The following CSMD1 variants were observed in gnomAD, a reference collection of about 807,000 sequenced individuals.
CSMD1 encodes the protein CUB and sushi domain-containing protein 1.
CSMD1 carries 213 observed loss-of-function variants against 417.5 expected under a neutral mutation model. That is an observed-to-expected ratio of 0.51 (90% CI 0.46 to 0.57). The LOEUF (loss-of-function observed/expected upper bound fraction) is 0.57. Among genes scored for constraint, CSMD1 ranks in the 20% least tolerant of loss-of-function variants. The pLI, the probability that CSMD1 is intolerant of heterozygous loss-of-function variation, is 0.00. For synonymous variants in CSMD1, 2,862 were observed against 1,736.8 expected, an observed-to-expected ratio of 1.65 and a Z score of -16.11; for missense variants, 6,923 against 4,529.7, an observed-to-expected ratio of 1.53 and a Z score of -15.17.
At chr8:4,552,359 G>T (rs1054417690) in intron 2 of CSMD1, among the ~76,000 whole-genome samples, 1 of 151,558 alleles carries the variant, frequency 6.6e-6, no homozygotes, top group East Asian at 1.9e-4. Context: ...TGGCTTCTGT[G>T]AACTTTAAGG....
At chr8:3,558,430 GT>G (rs140373906) in intron 10 of CSMD1, among the ~76,000 whole-genome samples, 2 of 148,240 alleles carry the variant, frequency 1.3e-5, no homozygotes, top group Middle Eastern at 3.6e-3. Flanking sequence ...ATGGTACCCC[GT>G]GTCCACTCCT....
At chr8:3,860,908 C>T (rs1804656290) in intron 5 of CSMD1, among the ~76,000 whole-genome samples, 1 of 152,124 alleles carries the variant, frequency 6.6e-6, no homozygotes, top group African/African-American at 2.4e-5. Flanking sequence ...AATCTAGTCT[C>T]TATACTATAG....
chr8:4,196,488 T>C (rs1031713335), intron 3 of CSMD1, among the ~76,000 whole-genome samples: 1 of 152,158 alleles, frequency 6.6e-6, no homozygotes, highest in African/African-American at 2.4e-5. Context: ...GCTTTTAGAA[T>C]CCAGTTTGTT....
At chr8:4,245,188 C>A (rs1435411677) in intron 3 of CSMD1, among the ~76,000 whole-genome samples, 1 of 152,166 alleles carries the variant, frequency 6.6e-6, no homozygotes, top group Non-Finnish European at 1.5e-5. Context: ...TAGTGGCATG[C>A]TGTCAAACAA....
chr8:4,761,374 GT>G (rs1286408949), intron 1 of CSMD1, among the ~76,000 whole-genome samples: 10 of 7,020 alleles, frequency 1.4e-3, no homozygotes, highest in African/African-American at 3.4e-3. Flanking sequence ...GTTACTTGGT[GT>G]GTGTGTGTGT....
chr8:4,616,372 G>C (rs892746947), intron 2 of CSMD1, among the ~76,000 whole-genome samples: 12 of 152,324 alleles, frequency 7.9e-5, no homozygotes, highest in Non-Finnish European at 1.2e-4. Context: ...GTCACATGGA[G>C]ATGACCACAA....
chr8:3,011,240 A>C (rs1183057053), intron 52 of CSMD1, among the ~76,000 whole-genome samples: 1 of 152,150 alleles, frequency 6.6e-6, no homozygotes, highest in African/African-American at 2.4e-5. Context: ...CTGACAATGC[A>C]TTTGGAAAAT....
chr8:4,680,615 C>G (rs1268263587), intron 1 of CSMD1, among the ~76,000 whole-genome samples: 1 of 152,090 alleles, frequency 6.6e-6, no homozygotes. Flanking sequence ...GAGTCTTCCT[C>G]TGTTGCCAGG....
chr8:4,970,796 T>C (rs1252414690), intron 1 of CSMD1, among the ~76,000 whole-genome samples: 1 of 152,106 alleles, frequency 6.6e-6, no homozygotes, highest in Non-Finnish European at 1.5e-5. Context: ...AACTACAGAA[T>C]CTCAAAACCA....
At chr8:3,146,402 A>G (rs1479520704) in intron 40 of CSMD1, among the ~76,000 whole-genome samples, 1 of 152,162 alleles carries the variant, frequency 6.6e-6, no homozygotes, top group African/African-American at 2.4e-5. Context: ...TGGTTTAACT[A>G]TTAAAAACAG....
intron 2 of CSMD1, among the ~76,000 whole-genome samples, chr8:4,468,882 A>G (rs2130026363): frequency 6.6e-6 from 1 of 152,298 alleles, no homozygotes; most frequent in East Asian, 1.9e-4. Flanking sequence ...CACTGCAAGG[A>G]ATTTTAGAAT....
intron 23 of CSMD1, among the ~76,000 whole-genome samples, chr8:3,328,765 C>T (rs1485570970): frequency 6.6e-6 from 1 of 152,064 alleles, no homozygotes; most frequent in Non-Finnish European, 1.5e-5. Context: ...CTTTTGTCAT[C>T]CAATTTATAA....
At chr8:4,958,462 T>G (rs1278313907) in intron 1 of CSMD1, among the ~76,000 whole-genome samples, 1 of 152,190 alleles carries the variant, frequency 6.6e-6, no homozygotes, top group Non-Finnish European at 1.5e-5. Flanking sequence ...AACAGAAAAC[T>G]GCAATATATA....
chr8:4,212,970 T>A (rs1800411565), intron 3 of CSMD1, among the ~76,000 whole-genome samples: 2 of 152,028 alleles, frequency 1.3e-5, no homozygotes, highest in East Asian at 1.9e-4. Flanking sequence ...ACCTAACACC[T>A]AGCGTTGGCT....
At chr8:4,344,663 T>A (rs895296505) in intron 3 of CSMD1, among the ~76,000 whole-genome samples, 1 of 151,886 alleles carries the variant, frequency 6.6e-6, no homozygotes, top group African/African-American at 2.4e-5. Context: ...AAGAATTGAA[T>A]CAATAAACAC....
intron 3 of CSMD1, among the ~76,000 whole-genome samples, chr8:4,348,609 TG>T (rs1326760792): frequency 3.7e-4 from 3 of 8,098 alleles, no homozygotes; most frequent in South Asian, 3.7e-3. Context: ...GTGGGTGTGT[TG>T]GGGGTGGGGG....
intron 6 of CSMD1, among the ~76,000 whole-genome samples, chr8:3,724,738 T>C (rs2129045646): frequency 6.6e-6 from 1 of 152,310 alleles, no homozygotes; most frequent in African/African-American, 2.4e-5. Context: ...AAGTGAAAAT[T>C]AGTATTTTCT....
At chr8:4,119,029 G>A (rs1025358461) in intron 3 of CSMD1, among the ~76,000 whole-genome samples, 2 of 152,142 alleles carry the variant, frequency 1.3e-5, no homozygotes, top group African/African-American at 4.8e-5. Context: ...CTCATAAGTG[G>A]GAGTTGAATA....
At chr8:3,507,373 T>A (rs10103876) in intron 10 of CSMD1, among the ~76,000 whole-genome samples, 87,542 of 152,038 alleles carry the variant, frequency 0.58, 25,792 homozygotes, top group African/African-American at 0.69. Flanking sequence ...CATGATGTAT[T>A]TGTGCCACAT....
Sources: allele counts gnomAD v4.1 joint callset (sites outside exome capture counted in the v4.1 genomes callset), GRCh38; gene constraint gnomAD v4.1.1; transcripts MANE v1.5; gene names NCBI Gene and HGNC (gene_info 2026-07-23, HGNC 2026-07-21).